Variants in AGAP3 observed in about 807,000 individuals in gnomAD.
AGAP3 encodes the protein ArfGAP with GTPase domain, ankyrin repeat and PH domain 3.
In AGAP3, 24 loss-of-function variants were observed where a neutral mutation model predicts 96.9. That is an observed-to-expected ratio of 0.25 (90% CI 0.18 to 0.35). The LOEUF (loss-of-function observed/expected upper bound fraction) is 0.35, where lower values mean the gene tolerates loss of function less well. AGAP3 is among the 10% of genes least tolerant of loss of function. The pLI, the probability that AGAP3 is intolerant of heterozygous loss-of-function variation, is 1.00. For synonymous variants in AGAP3, 563 were observed against 536.1 expected (o/e 1.05, Z -0.69); for missense variants, 876 against 1,254.2 (o/e 0.70, Z 4.55).
Position 151,108,375 on chromosome 7 carries a change from G to T in AGAP3, c.332-8418G>T, listed in dbSNP as rs1799144067. Among the ~76,000 whole-genome samples, 1 of 152,054 alleles carries T rather than the reference G, an allele frequency of 6.6e-6. No homozygotes were observed. Among genetic ancestry groups the T allele is most frequent in the Non-Finnish European group, 1.5e-5 (1 of 67,980 alleles). The stretch of plus-strand genomic sequence containing the variant: ...GACAGCCACTCCCACCCCCACCCTG[G>T]GGTAATCTCAGTTTCCCTGCTCCTT... On this transcript the variant is annotated intron_variant, in intron 1 of 17. Coordinates refer to ENST00000397238, the MANE Select transcript of AGAP3 (RefSeq NM_031946.7). This position sits in a 1 kb window ranked among gnomAD's most constrained non-coding sequence, Gnocchi z 4.2.
At position 151,130,587 on chromosome 7, in the gene AGAP3, C is replaced by T. The variant is rs138939101; in HGVS notation, c.1326+1903C>T. Among the ~76,000 whole-genome samples, 208 of 152,210 alleles carry T rather than the reference C, an allele frequency of 1.4e-3. 3 individuals are homozygous for T. The East Asian group carries it at 0.037, about 27-fold the overall frequency. On this transcript the variant is annotated intron_variant, in intron 10 of 17. Transcript: ENST00000397238. ...GGGGCTAGGGTGGGTGTCTGAGCCC[C>T]CAGGAGTGCCCCTCCATGCCGCACT...
Position 151,116,782 on chromosome 7 carries a change from G to C in AGAP3, c.332-11G>C. Reference sequence around the variant, plus strand: ...ACCCTGGCCCTGACGGGGCGGCTCTGTCTTCCGCAGACTCGTTTGTGAACA... The same window carrying C: ...ACCCTGGCCCTGACGGGGCGGCTCTCTCTTCCGCAGACTCGTTTGTGAACA... On this transcript the variant is annotated splice_polypyrimidine_tract_variant and intron_variant, in intron 1 of 17. Transcript: ENST00000397238. 6.2e-7 allele frequency: 1 copy of C among 1,614,096 alleles called. No individual in the cohort carries two copies. Among genetic ancestry groups the C allele is most frequent in the Non-Finnish European group, 8.5e-7 (1 of 1,180,012 alleles).
At chr7:151,120,704 T>C in intron 8 of AGAP3, 1 of 1,231,960 alleles carries the variant, frequency 8.1e-7, no homozygotes, top group Non-Finnish European at 1.0e-6. Flanking sequence ...CTTAGCCATC[T>C]TTTCCTGGGC....
At chr7:151,105,447 T>C (rs1563443807) in intron 1 of AGAP3, among the ~76,000 whole-genome samples, 1 of 152,128 alleles carries the variant, frequency 6.6e-6, no homozygotes, top group Non-Finnish European at 1.5e-5. Flanking sequence ...CAAATTTGTA[T>C]CTGACTTTTT....
Position 151,140,416 on chromosome 7 carries a change from T to C in AGAP3, c.1804+300T>C, listed in dbSNP as rs1800773513. 1 of 216,644 alleles carries C rather than the reference T, an allele frequency of 4.6e-6. No individual in the cohort carries two copies. Among genetic ancestry groups the C allele is most frequent in the Non-Finnish European group, 9.0e-6 (1 of 110,946 alleles). 13.4% of individuals were successfully genotyped at this position (216,644 alleles called of 1,614,324 possible). A position where few individuals can be genotyped will look rare whatever the true frequency, so the allele number is the denominator to read the frequency against. On this transcript the variant is annotated intron_variant, in intron 13 of 17. Transcript: ENST00000397238. The surrounding 1 kb of genome is among the most constrained non-coding windows in gnomAD (Gnocchi z 5.4). ...TCCTCTAAGATGTTCGGGCAGGACC[T>C]GTGTTTTCTGTCTCTTGTGTCATAC... is the stretch of plus-strand genomic sequence containing the variant.
At chr7:151,116,543 C>T (rs939509521) in intron 1 of AGAP3, 3 of 552,110 alleles carry the variant, frequency 5.4e-6, no homozygotes, top group Non-Finnish European at 9.7e-6. Context: ...GACACAGGGC[C>T]GAAACCAGGG....
chr7:151,141,098 G>T lies in AGAP3; in HGVS notation c.1805-800G>T, dbSNP rs1428568267. On this transcript the variant is annotated intron_variant, in intron 13 of 17. Coordinates refer to ENST00000397238, the MANE Select transcript of AGAP3 (RefSeq NM_031946.7). The surrounding 1 kb of genome is among the most constrained non-coding windows in gnomAD (Gnocchi z 4.2). ...GGTTCACCCTGGGGCCTTACCACAG[G>T]CACCTGTGCTGTCTTTCCAGCCCCC... 6.6e-6 allele frequency: 1 copy of T among 152,140 alleles called. No individual in the cohort carries two copies. Among genetic ancestry groups the T allele is most frequent in the Non-Finnish European group, 1.5e-5 (1 of 68,030 alleles). The allele number at this position is 152,140 out of a possible 1,614,324, so 9.4% of individuals were successfully genotyped here. A position where few individuals can be genotyped will look rare whatever the true frequency, so the allele number is the denominator to read the frequency against.
chr7:151,134,204 T>C (rs1453994452), intron 10 of AGAP3, among the ~76,000 whole-genome samples, 196 bp from the exon 11 acceptor site: 3 of 152,218 alleles, frequency 2.0e-5, no homozygotes, highest in Admixed American at 2.0e-4. Context: ...AGACTCCCCC[T>C]AGAGCTGCTT....
At chr7:151,121,000 C>T (rs893903265) in intron 8 of AGAP3, 4 of 300,074 alleles carry the variant, frequency 1.3e-5, no homozygotes, top group African/African-American at 4.5e-5. Flanking sequence ...GTCACGAGAG[C>T]GCCCGCCCCT....
At chr7:151,116,603 C>T (rs1563470534) in intron 1 of AGAP3, 190 bp from the exon 2 acceptor site, 3 of 640,464 alleles carry the variant, frequency 4.7e-6, no homozygotes, top group East Asian at 2.6e-5. Flanking sequence ...CATCCTTACT[C>T]TGCTTCACTC....
At chr7:151,099,342 CAAA>C (rs11322956) in intron 1 of AGAP3, among the ~76,000 whole-genome samples, 6 of 136,322 alleles carry the variant, frequency 4.4e-5, no homozygotes, top group Non-Finnish European at 7.9e-5. Flanking sequence ...GACTCCATCT[CAAA>C]AAAAAAAAAA....
At chr7:151,089,385 T>A (rs554453908) in intron 1 of AGAP3, among the ~76,000 whole-genome samples, 1 of 151,844 alleles carries the variant, frequency 6.6e-6, no homozygotes, top group Admixed American at 6.6e-5. Context: ...GGAACAGACC[T>A]AGGCTGTTAC....
chr7:151,135,376 A>G (rs1185957680), intron 11 of AGAP3, among the ~76,000 whole-genome samples: 3 of 152,214 alleles, frequency 2.0e-5, no homozygotes, highest in African/African-American at 7.2e-5. Context: ...TTGGCAGCAC[A>G]GGTCTGCAGC....
intron 8 of AGAP3, chr7:151,122,678 G>A (rs1375794478): frequency 1.2e-6 from 2 of 1,611,200 alleles, no homozygotes. Context: ...ACTTGTGCGG[G>A]GCTTGAGTAT....
At chr7:151,132,163 C>G (rs1236285494) in intron 10 of AGAP3, among the ~76,000 whole-genome samples, 1 of 152,190 alleles carries the variant, frequency 6.6e-6, no homozygotes, top group African/African-American at 2.4e-5. Flanking sequence ...TGGAGGTACG[C>G]TGGGATGGCA....
chr7:151,100,494 G>A (rs1978655), intron 1 of AGAP3, among the ~76,000 whole-genome samples: 54,595 of 152,038 alleles, frequency 0.36, 10,838 homozygotes, highest in Middle Eastern at 0.45. Flanking sequence ...AGCAAGCTGC[G>A]GTGTAAACCT....
At chr7:151,124,220 T>C (rs1714203867) in intron 9 of AGAP3, among the ~76,000 whole-genome samples, 1 of 152,074 alleles carries the variant, frequency 6.6e-6, no homozygotes, top group Non-Finnish European at 1.5e-5. Context: ...CTAAGGAAAA[T>C]GAGCAACCCG....
At chr7:151,123,090 C>T in intron 8 of AGAP3, 1 of 1,177,284 alleles carries the variant, frequency 8.5e-7, no homozygotes, top group South Asian at 2.7e-5. Context: ...GCGGGGGAGT[C>T]CAAGCCCGCC....
intron 8 of AGAP3, chr7:151,122,669 C>T: frequency 6.2e-7 from 1 of 1,608,070 alleles, no homozygotes; most frequent in Non-Finnish European, 8.5e-7. Context: ...TGCTGACCGA[C>T]TTGTGCGGGG....
Sources: allele counts gnomAD v4.1 joint callset (sites outside exome capture counted in the v4.1 genomes callset), GRCh38; gene constraint gnomAD v4.1.1; non-coding constraint Gnocchi (gnomAD v3.1); transcripts MANE v1.5; gene names NCBI Gene and HGNC (gene_info 2026-07-23, HGNC 2026-07-21).